AGBL4: variants seen among roughly 807,000 people sequenced by gnomAD.
The protein encoded by AGBL4 is AGBL carboxypeptidase 4.
AGBL4 carries 58 observed loss-of-function variants against 66.4 expected under a neutral mutation model. The observed-to-expected ratio is 0.87, with a 90% CI of 0.71 to 1.09. The LOEUF (loss-of-function observed/expected upper bound fraction) is 1.09. Ranked by LOEUF, AGBL4 falls within the 50% of genes least tolerant of loss-of-function variation. AGBL4 has a pLI of 0.00. For missense variants in AGBL4, 579 were observed against 631.0 expected (o/e 0.92, Z 0.88); for synonymous variants, 234 against 222.9 (o/e 1.05, Z -0.44).
chr1:49,938,472 G>A (rs1368093400), intron 1 of AGBL4, among the ~76,000 whole-genome samples: 1 of 152,162 alleles, frequency 6.6e-6, no homozygotes. Context: ...CAGAAAAAGA[G>A]GGAATCTTCC....
At chr1:48,712,280 C>T (rs1255401107) in intron 6 of AGBL4, among the ~76,000 whole-genome samples, 1 of 152,194 alleles carries the variant, frequency 6.6e-6, no homozygotes, top group Non-Finnish European at 1.5e-5. Flanking sequence ...CACACTCAAC[C>T]ATCCTTCCCT....
chr1:49,884,377 T>C (rs538125942), intron 1 of AGBL4, among the ~76,000 whole-genome samples: 1 of 151,894 alleles, frequency 6.6e-6, no homozygotes, highest in Non-Finnish European at 1.5e-5. Context: ...TTATTAGTCA[T>C]CATCCTTATC....
At chr1:49,987,549 AC>A (rs1184753140) in intron 1 of AGBL4, among the ~76,000 whole-genome samples, 1 of 152,042 alleles carries the variant, frequency 6.6e-6, no homozygotes, top group African/African-American at 2.4e-5. Flanking sequence ...CAACGTAACA[AC>A]AAACAAAATA....
At chr1:49,743,163 G>A (rs1407573747) in intron 2 of AGBL4, among the ~76,000 whole-genome samples, 9 of 151,948 alleles carry the variant, frequency 5.9e-5, no homozygotes, top group Admixed American at 5.9e-4. Context: ...TCTGACAAAG[G>A]GCTAACATCC....
chr1:49,009,523 T>C (rs1300352423), intron 5 of AGBL4, among the ~76,000 whole-genome samples: 1 of 152,074 alleles, frequency 6.6e-6, no homozygotes, highest in East Asian at 1.9e-4. Context: ...CCCTAACTCA[T>C]TTGATGAGGC....
intron 3 of AGBL4, among the ~76,000 whole-genome samples, chr1:49,460,729 G>A (rs1003665711): frequency 3.3e-5 from 5 of 151,640 alleles, no homozygotes; most frequent in African/African-American, 9.6e-5. Context: ...TTCTATTTTG[G>A]TGTATTTTGA....
chr1:48,708,561 C>G (rs896857152), intron 6 of AGBL4, among the ~76,000 whole-genome samples: 4 of 152,304 alleles, frequency 2.6e-5, no homozygotes, highest in Non-Finnish European at 2.9e-5. Flanking sequence ...GATCCCTGCT[C>G]TAAAACACTT....
intron 4 of AGBL4, among the ~76,000 whole-genome samples, chr1:49,208,288 G>C (rs1392217396): frequency 1.3e-5 from 2 of 152,010 alleles, no homozygotes; most frequent in Non-Finnish European, 2.9e-5. Flanking sequence ...GGGCTATACT[G>C]TCACACTAAA....
chr1:49,145,387 T>C (rs1569816888), intron 4 of AGBL4, among the ~76,000 whole-genome samples: 1 of 152,208 alleles, frequency 6.6e-6, no homozygotes, highest in Non-Finnish European at 1.5e-5. Flanking sequence ...CCTCAGTTTT[T>C]AGAGCCACCA....
At chr1:49,311,327 C>T (rs1046421154) in intron 3 of AGBL4, among the ~76,000 whole-genome samples, 1 of 151,982 alleles carries the variant, frequency 6.6e-6, no homozygotes, top group Non-Finnish European at 1.5e-5. Flanking sequence ...CAATTCTTCT[C>T]ATTGTCCCTT....
At chr1:49,397,973 A>C (rs1021264352) in intron 3 of AGBL4, among the ~76,000 whole-genome samples, 1 of 152,228 alleles carries the variant, frequency 6.6e-6, no homozygotes, top group Admixed American at 6.5e-5. Flanking sequence ...ACAATATAAA[A>C]AGGCTACAAG....
intron 4 of AGBL4, among the ~76,000 whole-genome samples, chr1:49,223,326 G>T (rs1001236949): frequency 6.6e-6 from 1 of 151,858 alleles, no homozygotes; most frequent in Admixed American, 6.6e-5. Context: ...GGAAGGAGGA[G>T]GATTTATCAG....
intron 4 of AGBL4, among the ~76,000 whole-genome samples, chr1:49,232,625 G>A (rs1227319960): frequency 6.6e-6 from 1 of 151,894 alleles, no homozygotes; most frequent in Non-Finnish European, 1.5e-5. Context: ...CATGAACCCA[G>A]GAGGCAGAGC....
chr1:48,947,331 T>A (rs1052937292), intron 5 of AGBL4, among the ~76,000 whole-genome samples: 31 of 152,366 alleles, frequency 2.0e-4, no homozygotes, highest in South Asian at 2.1e-4. Context: ...GGGCAGGGAC[T>A]CTTATCCAAT....
intron 4 of AGBL4, among the ~76,000 whole-genome samples, chr1:49,198,282 A>G (rs1647392485): frequency 6.6e-6 from 1 of 152,000 alleles, no homozygotes; most frequent in African/African-American, 2.4e-5. Flanking sequence ...TTTTCTGTCA[A>G]ATTCCTACAT....
intron 4 of AGBL4, among the ~76,000 whole-genome samples, chr1:49,048,805 A>G (rs898640016): frequency 3.8e-5 from 5 of 132,524 alleles, no homozygotes; most frequent in Non-Finnish European, 6.8e-5. Context: ...CCAAGAGAGG[A>G]AAAAAAAAAA....
At chr1:49,953,363 T>G (rs575276695) in intron 1 of AGBL4, among the ~76,000 whole-genome samples, 1 of 152,084 alleles carries the variant, frequency 6.6e-6, no homozygotes, top group South Asian at 2.1e-4. Context: ...TTTGATTAAA[T>G]GGGACCTCAT....
chr1:49,262,438 T>A (rs1002504203), intron 3 of AGBL4, among the ~76,000 whole-genome samples: 7 of 151,872 alleles, frequency 4.6e-5, no homozygotes, highest in South Asian at 2.1e-4. Flanking sequence ...GAATCTACAA[T>A]GAACTCAAAC....
intron 5 of AGBL4, among the ~76,000 whole-genome samples, chr1:49,045,361 C>T (rs779253133): frequency 6.6e-6 from 1 of 152,098 alleles, no homozygotes; most frequent in Non-Finnish European, 1.5e-5. Context: ...TCTGTGACTT[C>T]CTGGTGCCCA....
Sources: gnomAD v4.1 joint callset for allele counts (sites outside exome capture counted in the v4.1 genomes callset) on GRCh38, gnomAD v4.1.1 for gene constraint, MANE v1.5 for transcripts, NCBI Gene and HGNC (gene_info 2026-07-23, HGNC 2026-07-21) for gene names.